Variants in PSMD14 observed in about 807,000 individuals in gnomAD.
PSMD14 encodes the protein ubiquitin C-terminal hydrolase PSMD14.
A neutral mutation model predicts 41.2 loss-of-function variants in PSMD14; 7 were observed. The observed-to-expected ratio is 0.17, with a 90% confidence interval of 0.10 to 0.32. The LOEUF is 0.32. PSMD14 is among the 10% of genes least tolerant of loss of function. The probability of loss-of-function intolerance (pLI) is 1.00; values close to 1 mark genes in which losing one functional copy is unlikely to be tolerated. For missense variants in PSMD14, 139 were observed against 375.6 expected, an observed-to-expected ratio of 0.37 and a Z score of 5.21; for synonymous variants, 114 against 122.3, an observed-to-expected ratio of 0.93 and a Z score of 0.45.
intron 10 of PSMD14, among the ~76,000 whole-genome samples, chr2:161,405,415 C>A (rs1299358443): frequency 6.6e-6 from 1 of 152,170 alleles, no homozygotes; most frequent in Non-Finnish European, 1.5e-5. Flanking sequence ...TGAGAAAAGC[C>A]CAAATGTGAG....
At chr2:161,330,437 A>G (rs922135209) in intron 3 of PSMD14, among the ~76,000 whole-genome samples, 4 of 152,174 alleles carry the variant, frequency 2.6e-5, no homozygotes, top group African/African-American at 9.7e-5. Flanking sequence ...TACCTTCAAC[A>G]TTGTTTTACA....
chr2:161,378,076 G>T (rs1683525130), intron 7 of PSMD14, among the ~76,000 whole-genome samples: 1 of 151,836 alleles, frequency 6.6e-6, no homozygotes, highest in Non-Finnish European at 1.5e-5. Flanking sequence ...GATATTTCTG[G>T]ACCTGGGACT....
intron 8 of PSMD14, among the ~76,000 whole-genome samples, chr2:161,387,865 A>T (rs1683654486): frequency 6.6e-6 from 1 of 151,960 alleles, no homozygotes; most frequent in African/African-American, 2.4e-5. Context: ...GACAAAGGTT[A>T]TTTTCACGTT....
chr2:161,375,949 G>A (rs1294798486), intron 7 of PSMD14, among the ~76,000 whole-genome samples: 7 of 151,634 alleles, frequency 4.6e-5, no homozygotes, highest in Non-Finnish European at 7.4e-5. Flanking sequence ...CTAGAAGGTC[G>A]TGTCTTTTCT....
chr2:161,310,178 A>C (rs1382215927), intron 1 of PSMD14, among the ~76,000 whole-genome samples: 1 of 152,166 alleles, frequency 6.6e-6, no homozygotes, highest in Non-Finnish European at 1.5e-5. Context: ...CTGAATTTTA[A>C]TCTGTTTGAC....
intron 7 of PSMD14, chr2:161,384,408 T>C (rs934542145): frequency 2.0e-5 from 3 of 151,722 alleles, no homozygotes; most frequent in Non-Finnish European, 4.4e-5. Flanking sequence ...TTGATTAGAT[T>C]TGGTTGGCTT....
chr2:161,321,162 T>C (rs1172546377), intron 3 of PSMD14, among the ~76,000 whole-genome samples: 1 of 152,086 alleles, frequency 6.6e-6, no homozygotes, highest in African/African-American at 2.4e-5. Context: ...CAGTGGGAAA[T>C]GTTATCTTAC....
intron 1 of PSMD14, among the ~76,000 whole-genome samples, chr2:161,315,777 C>T (rs569448277): frequency 1.5e-4 from 23 of 151,174 alleles, no homozygotes; most frequent in Non-Finnish European, 2.9e-4. Context: ...AATTAACCTA[C>T]ACAGTAATGA....
rs571102087 is a variant in PSMD14, at chr2:161,408,698, A to G, written c.772-139A>G. 10 of 618,614 alleles carry G rather than the reference A, an allele frequency of 1.6e-5. No homozygotes were observed. In the East Asian group the frequency reaches 2.9e-4, roughly 18 times the overall value. The allele number at this position is 618,614 out of a possible 1,614,324, so 38.3% of individuals were successfully genotyped here. On this transcript the variant is annotated intron_variant, in intron 10 of 11. Transcript: ENST00000409682. ...TGAAGGTTATTCTGAAGTTTAGCAT[A>G]ATTTTATTTGTTCAGTAAATTATTT...
chr2:161,354,144 GC>G (rs1683159225), intron 3 of PSMD14, among the ~76,000 whole-genome samples: 1 of 151,956 alleles, frequency 6.6e-6, no homozygotes, highest in South Asian at 2.1e-4. Flanking sequence ...TTGATTCTGG[GC>G]CCCTCTTTCC....
At chr2:161,324,624 T>G (rs569173600) in intron 3 of PSMD14, among the ~76,000 whole-genome samples, 1 of 151,856 alleles carries the variant, frequency 6.6e-6, no homozygotes, top group South Asian at 2.1e-4. Context: ...ATGAAGATTT[T>G]CTTTCTTTCT....
chr2:161,404,270 A>G (rs1683920640), intron 10 of PSMD14, among the ~76,000 whole-genome samples: 1 of 152,100 alleles, frequency 6.6e-6, no homozygotes, highest in African/African-American at 2.4e-5. Context: ...GAATTCAGAT[A>G]TTGTCTCATT....
chr2:161,317,378 A>T (rs1689158605), intron 2 of PSMD14, among the ~76,000 whole-genome samples: 1 of 152,204 alleles, frequency 6.6e-6, no homozygotes, highest in Admixed American at 6.5e-5. Context: ...GCCAGATACG[A>T]AAAATATATG....
chr2:161,349,256 T>C (rs1397540136), intron 3 of PSMD14, among the ~76,000 whole-genome samples: 2 of 152,232 alleles, frequency 1.3e-5, no homozygotes, highest in Middle Eastern at 3.2e-3. Context: ...TCATTTGTTA[T>C]GCCTTTTGGA....
chr2:161,370,285 T>A, intron 6 of PSMD14, 108 bp downstream of exon 6: 1 of 832,140 alleles, frequency 1.2e-6, no homozygotes, highest in Non-Finnish European at 1.8e-6. Context: ...AGTGGTTATG[T>A]AATTGACATA....
chr2:161,397,457 G>A (rs1477472065), intron 10 of PSMD14, among the ~76,000 whole-genome samples: 1 of 152,122 alleles, frequency 6.6e-6, no homozygotes. Flanking sequence ...TTCAATTTAG[G>A]TAGAAGTAGA....
chr2:161,321,619 T>C (rs1489075743), intron 3 of PSMD14, among the ~76,000 whole-genome samples: 2 of 152,208 alleles, frequency 1.3e-5, no homozygotes, highest in East Asian at 3.8e-4. Context: ...ATCCACACTT[T>C]GGACTGACAC....
At chr2:161,404,511 C>T (rs1424659012) in intron 10 of PSMD14, among the ~76,000 whole-genome samples, 1 of 152,158 alleles carries the variant, frequency 6.6e-6, no homozygotes, top group East Asian at 1.9e-4. Context: ...TCTATCATGG[C>T]ACCCTTTGCC....
intron 2 of PSMD14, 148 bp from the exon 3 acceptor site, chr2:161,318,674 G>A: frequency 1.6e-6 from 1 of 639,420 alleles, no homozygotes; most frequent in African/African-American, 1.8e-5. Flanking sequence ...ATTAATATGT[G>A]GTGTTAATTA....
Sources: allele counts gnomAD v4.1 joint callset (sites outside exome capture counted in the v4.1 genomes callset), GRCh38; gene constraint gnomAD v4.1.1; transcripts MANE v1.5; gene names NCBI Gene and HGNC (gene_info 2026-07-23, HGNC 2026-07-21).